The following TRIM49 variants were observed in gnomAD, a reference collection of about 807,000 sequenced individuals.
TRIM49 encodes tripartite motif-containing protein 49.
In TRIM49, 5 loss-of-function variants were observed where a neutral mutation model predicts 27.4. The observed-to-expected ratio is 0.18, with a 90% CI of 0.10 to 0.38. TRIM49 has a LOEUF of 0.38. TRIM49 is among the 10% of genes least tolerant of loss of function. The pLI is 1.00. For synonymous variants in TRIM49, 69 were observed against 166.0 expected, an observed-to-expected ratio of 0.42 and a Z score of 4.49; for missense variants, 188 against 487.5, an observed-to-expected ratio of 0.39 and a Z score of 5.79.
chr11:89,777,208 G>C, the TRIM49 span: 10 of 1,548,666 alleles, frequency 6.5e-6, no homozygotes, highest in Admixed American at 1.8e-4. Context: ...GTCTTCCCTA[G>C]CCAGACAGAC....
chr11:89,797,183 A>C (rs1949696978), downstream of TRIM49, among the ~76,000 whole-genome samples: 3 of 151,238 alleles, frequency 2.0e-5, no homozygotes, highest in East Asian at 3.9e-4. Context: ...AATTCTGTAA[A>C]GTGTCTGTTC....
At chr11:89,773,025 T>C in the TRIM49 span, among the ~76,000 whole-genome samples, 1 of 136,066 alleles carries the variant, frequency 7.3e-6, no homozygotes, top group African/African-American at 3.4e-5. Context: ...ACCTTATCTC[T>C]ACTAAAAATA....
downstream of TRIM49, among the ~76,000 whole-genome samples, chr11:89,796,795 C>A (rs1404752170): frequency 6.6e-6 from 1 of 151,968 alleles, no homozygotes; most frequent in African/African-American, 2.4e-5. Context: ...CATAAATACA[C>A]CAAATTTATT....
chr11:89,767,681 C>A, the TRIM49 span, among the ~76,000 whole-genome samples: 2 of 126,118 alleles, frequency 1.6e-5, 1 homozygote, highest in African/African-American at 8.8e-5. Context: ...ACCACCAAAT[C>A]ACTTTCTTAT....
chr11:89,793,908 A>T (rs1432762164), downstream of TRIM49, among the ~76,000 whole-genome samples: 1 of 151,724 alleles, frequency 6.6e-6, no homozygotes, highest in Non-Finnish European at 1.5e-5. Flanking sequence ...CAAGAGAAAG[A>T]AATAAAGGGT....
At chr11:89,806,498 C>G (rs1471166843) in intron 2 of TRIM49, among the ~76,000 whole-genome samples, 1 of 149,628 alleles carries the variant, frequency 6.7e-6, no homozygotes, top group African/African-American at 2.5e-5. Context: ...CAGAACTCAT[C>G]TAAGACATTT....
downstream of TRIM49, among the ~76,000 whole-genome samples, chr11:89,793,362 A>C (rs1440030272): frequency 1.3e-5 from 2 of 152,148 alleles, no homozygotes; most frequent in African/African-American, 4.8e-5. Context: ...AAAAAGAGGG[A>C]ATCCTCCCTA....
At position 89,800,967 on chromosome 11, in the gene TRIM49, T is replaced by C. The variant is rs1298486284; in HGVS notation, c.760A>G (p.Arg254Gly). ...LLQAFGDILH[R>G]SESVLLHMPQ... ...GCTAAAATCTAGGTACACACTCACCTGTGTAATATGTCTCCAAAAGCCTGA... is the reference window on the plus strand; with the variant it reads ...GCTAAAATCTAGGTACACACTCACCCGTGTAATATGTCTCCAAAAGCCTGA... Residue 254 changes from arginine (R) to glycine (G), a missense_variant and splice_region_variant, in exon 6 of 8, where the codon AGG (arginine) becomes GGG (glycine). By Grantham distance (125) the Arg-to-Gly change is moderately radical. This residue lies in a region of TRIM49 where 14 missense variants were observed against 118.8 expected (regional missense o/e 0.12). Transcript: ENST00000329758. The C allele has an allele frequency of 1.4e-5, 20 of 1,404,772 alleles. 1 individual carries two copies. The highest frequency in any genetic ancestry group is 1.8e-5 in the Non-Finnish European group (19 of 1,042,988). 87.0% of individuals were successfully genotyped at this position (1,404,772 alleles called of 1,614,324 possible). A position where few individuals can be genotyped will look rare whatever the true frequency, so the allele number is the denominator to read the frequency against.
chr11:89,793,780 C>G (rs1221622288), downstream of TRIM49, among the ~76,000 whole-genome samples: 1 of 151,944 alleles, frequency 6.6e-6, no homozygotes, highest in African/African-American at 2.4e-5. Context: ...CAATAAATAT[C>G]ATACTGAGTG....
chr11:89,789,770 A>C, the TRIM49 span: 1 of 152,022 alleles, frequency 6.6e-6, no homozygotes, highest in African/African-American at 2.4e-5. Flanking sequence ...TTTAAAAATC[A>C]AACTTGGGTT....
At chr11:89,792,745 G>A (rs1191292861), downstream of TRIM49, among the ~76,000 whole-genome samples, 1 of 152,126 alleles carries the variant, frequency 6.6e-6, no homozygotes, top group Non-Finnish European at 1.5e-5. Flanking sequence ...ATTTAAAGCA[G>A]TGTGTGGAGG....
intron 1 of TRIM49, 130 bp from the exon 2 acceptor site, chr11:89,807,414 A>G (rs1265724859): frequency 7.9e-5 from 12 of 151,602 alleles, no homozygotes; most frequent in Non-Finnish European, 1.3e-4. Context: ...TCACACTTTC[A>G]TTCTGAACAC....
At chr11:89,769,327 C>T in the TRIM49 span, among the ~76,000 whole-genome samples, 1 of 135,120 alleles carries the variant, frequency 7.4e-6, no homozygotes, top group Non-Finnish European at 1.5e-5. Context: ...ACCAGTAAGA[C>T]CTATTGACAG....
Position 89,804,284 on chromosome 11 carries a change from T to C in TRIM49, c.186A>G (p.Ile62Met). 5 of 1,612,168 alleles carry C rather than the reference T, an allele frequency of 3.1e-6. No homozygotes were observed. In the South Asian group the frequency reaches 3.3e-5, roughly 11 times the overall value. The part of the protein sequence containing the change: ...CSECTKSTEQ[I>M]NLKTNIHLKK... ...TCAAATGAATGTTGGTTTTGAGGTT[T>C]ATCTGCTCGGTTGACTTTGTGCATT... The change falls in exon 3 of 8, where the codon ATA (isoleucine) becomes ATG (methionine). Residue 62 changes from isoleucine (I) to methionine (M), a missense_variant. This residue lies in a region of TRIM49 where 37 missense variants were observed against 52.4 expected (regional missense o/e 0.71). Coordinates refer to ENST00000329758, the MANE Select transcript of TRIM49 (RefSeq NM_020358.2).
chr11:89,799,909 A>C lies in TRIM49; in HGVS notation c.762-96T>G. ...AAGACATTTCAAGAGAATCCTTTGA[A>C]TCTACACATTTGATAATTCAAAAAT... On this transcript the variant is annotated intron_variant, in intron 6 of 7. Transcript: ENST00000329758. 1.8e-5 allele frequency: 27 copies of C among 1,523,686 alleles called. 3 individuals are homozygous for C. In the South Asian group the frequency reaches 3.2e-4, roughly 18 times the overall value. The allele number at this position is 1,523,686 out of a possible 1,614,324, so 94.4% of individuals were successfully genotyped here. A position where few individuals can be genotyped will look rare whatever the true frequency, so the allele number is the denominator to read the frequency against.
At position 89,806,515 on chromosome 11, in the gene TRIM49, A is replaced by C. The variant is rs991413637; in HGVS notation, c.-5+584T>G. ...GAACTCATCTAAGACATTTTAAGAA[A>C]TTTTTCACAGTTTAATAAGATTGAG... On this transcript the variant is annotated intron_variant, in intron 2 of 7. Coordinates refer to ENST00000329758, the MANE Select transcript of TRIM49 (RefSeq NM_020358.2). Among the ~76,000 whole-genome samples, 2 of 149,960 alleles carry C rather than the reference A, an allele frequency of 1.3e-5. 1 individual carries two copies. The highest frequency in any genetic ancestry group is 5.0e-5 in the African/African-American group (2 of 39,864).
the TRIM49 span, among the ~76,000 whole-genome samples, chr11:89,790,477 A>G: frequency 1.1e-3 from 161 of 152,018 alleles, no homozygotes; most frequent in Middle Eastern, 3.4e-3. Flanking sequence ...GTCCCTGAGT[A>G]GCCTAACCAG....
chr11:89,785,577 A>G, the TRIM49 span, among the ~76,000 whole-genome samples: 2 of 144,112 alleles, frequency 1.4e-5, no homozygotes, highest in South Asian at 4.3e-4. Flanking sequence ...AATAAATAAT[A>G]GTTCATTAAT....
chr11:89,807,375 A>G (rs1408978538), intron 1 of TRIM49, 91 bp from the exon 2 acceptor site: 2 of 151,644 alleles, frequency 1.3e-5, no homozygotes, highest in Non-Finnish European at 2.9e-5. Context: ...TATTTAGAAC[A>G]CACCTTTGCA....
Sources: allele counts gnomAD v4.1 joint callset (sites outside exome capture counted in the v4.1 genomes callset), GRCh38; gene constraint gnomAD v4.1.1; regional missense constraint gnomAD v4.1.1; transcripts MANE v1.5; gene names NCBI Gene and HGNC (gene_info 2026-07-23, HGNC 2026-07-21).